LRRTM4: variants seen among roughly 807,000 people sequenced by gnomAD.
The protein encoded by LRRTM4 is leucine rich repeat transmembrane neuronal 4, also known as leucine-rich repeat transmembrane neuronal protein 4.
LRRTM4 carries 25 observed loss-of-function variants against 47.6 expected under a neutral mutation model. The ratio of observed to expected loss-of-function variants is 0.53; its 90% confidence interval spans 0.38 to 0.73. LRRTM4 has a LOEUF of 0.73. Among genes scored for constraint, LRRTM4 ranks in the 30% least tolerant of loss-of-function variants. The pLI, the probability that LRRTM4 is intolerant of heterozygous loss-of-function variation, is 0.00. For missense variants in LRRTM4, 638 were observed against 713.4 expected (o/e 0.89, Z 1.20); for synonymous variants, 311 against 269.5 (o/e 1.15, Z -1.51).
chr2:76,859,942 A>G (rs540610738), intron 3 of LRRTM4, among the ~76,000 whole-genome samples: 6 of 152,152 alleles, frequency 3.9e-5, no homozygotes, highest in Non-Finnish European at 8.8e-5. Flanking sequence ...ACTCTGTAAC[A>G]GAATTATAGC....
chr2:77,379,630 TG>T (rs1178029050), intron 3 of LRRTM4, among the ~76,000 whole-genome samples: 1 of 152,144 alleles, frequency 6.6e-6, no homozygotes, highest in African/African-American at 2.4e-5. Flanking sequence ...TATTCTCTAT[TG>T]GGTTATTTTT....
At chr2:76,989,685 T>C (rs980718512) in intron 3 of LRRTM4, 3 of 87,906 alleles carry the variant, frequency 3.4e-5, no homozygotes, top group Non-Finnish European at 3.9e-5. Context: ...CAGTGTGTTA[T>C]TGTTACATTT....
At chr2:76,915,931 G>A (rs1674227896) in intron 3 of LRRTM4, among the ~76,000 whole-genome samples, 1 of 152,018 alleles carries the variant, frequency 6.6e-6, no homozygotes, top group South Asian at 2.1e-4. Flanking sequence ...GAACAAAAAG[G>A]TAATCTTTGC....
rs569333732 is a variant in LRRTM4, at chr2:77,157,997, G to A, written c.1551+360321C>T. 9.9e-5 allele frequency among the ~76,000 whole-genome samples: 15 copies of A among 152,226 alleles called. No homozygotes were observed. The South Asian group carries it at 2.9e-3, about 29-fold the overall frequency. ...TTAAAAAACATTCAAAAGGCGTCAA[G>A]TTAACAAAAATGGGTCTGACTAAAT... On this transcript the variant is annotated intron_variant, in intron 3 of 3. Coordinates refer to ENST00000409884, the MANE Select transcript of LRRTM4 (RefSeq NM_001134745.3).
chr2:77,137,109 T>C (rs564121249), intron 3 of LRRTM4, among the ~76,000 whole-genome samples: 3 of 151,784 alleles, frequency 2.0e-5, no homozygotes, highest in African/African-American at 4.9e-5. Flanking sequence ...ACATTCAAAT[T>C]CAGGAAATAC....
Position 76,977,216 on chromosome 2 carries a change from C to T in LRRTM4, c.1552-228300G>A, listed in dbSNP as rs13418594. Among the ~76,000 whole-genome samples the T allele has an allele frequency of 9.9e-3, 1,503 of 151,518 alleles. 24 individuals carry two copies. Among genetic ancestry groups the T allele is most frequent in the African/African-American group, 0.035 (1,454 of 41,380 alleles). On this transcript the variant is annotated intron_variant, in intron 3 of 3. Transcript: ENST00000409884. The stretch of plus-strand genomic sequence containing the variant: ...AATCTTAATGACATCAGCAACCATC[C>T]TTTTTTACAAGACACCTGGATATTA...
intron 3 of LRRTM4, among the ~76,000 whole-genome samples, chr2:77,483,623 G>C (rs1324092128): frequency 1.3e-5 from 2 of 152,154 alleles, no homozygotes; most frequent in Non-Finnish European, 2.9e-5. Context: ...TTACAGGCGT[G>C]AGCCACCGCA....
At chr2:77,515,784 G>T (rs796127596) in intron 3 of LRRTM4, among the ~76,000 whole-genome samples, 1 of 151,930 alleles carries the variant, frequency 6.6e-6, no homozygotes, top group African/African-American at 2.4e-5. Context: ...ATTTTGTAGA[G>T]AGATTTTGTC....
At chr2:77,096,354 CAA>C (rs1246090493) in intron 3 of LRRTM4, among the ~76,000 whole-genome samples, 3 of 151,260 alleles carry the variant, frequency 2.0e-5, no homozygotes, top group African/African-American at 7.3e-5. Context: ...TATATTCAAA[CAA>C]AAGGAGCTTA....
At chr2:77,498,104 A>T (rs1678430377) in intron 3 of LRRTM4, among the ~76,000 whole-genome samples, 1 of 152,008 alleles carries the variant, frequency 6.6e-6, no homozygotes, top group East Asian at 1.9e-4. Context: ...GAAGAAAAAA[A>T]TATTATTTTC....
At chr2:77,246,232 C>T (rs1027004678) in intron 3 of LRRTM4, among the ~76,000 whole-genome samples, 3 of 152,072 alleles carry the variant, frequency 2.0e-5, no homozygotes, top group Non-Finnish European at 4.4e-5. Context: ...GGAGATAGCT[C>T]CATCTGAATG....
At chr2:76,791,808 T>C (rs1674988794) in intron 3 of LRRTM4, among the ~76,000 whole-genome samples, 1 of 152,176 alleles carries the variant, frequency 6.6e-6, no homozygotes, top group African/African-American at 2.4e-5. Context: ...TTGCCAACAG[T>C]ATTTGTCACA....
chr2:77,436,302 C>T (rs943856138), intron 3 of LRRTM4, among the ~76,000 whole-genome samples: 2 of 152,022 alleles, frequency 1.3e-5, no homozygotes, highest in Admixed American at 6.6e-5. Context: ...ATACCTTGAA[C>T]GTCTAGCAAT....
At chr2:76,911,331 G>A (rs1674047984) in intron 3 of LRRTM4, among the ~76,000 whole-genome samples, 1 of 152,116 alleles carries the variant, frequency 6.6e-6, no homozygotes, top group African/African-American at 2.4e-5. Context: ...TTTCTTTTAA[G>A]TTCACTAAGG....
rs1218958523 is a variant in LRRTM4, at chr2:77,518,624, T to C, written c.1245A>G (p.Gln415=). Reference sequence around the variant, plus strand: ...TGTGAAATGAAACATGCTCATACTCTTGCTCTGCGCCAGGAATCTGAAACC... The same window carrying C: ...TGTGAAATGAAACATGCTCATACTCCTGCTCTGCGCCAGGAATCTGAAACC... ...SPGFQIPGAE[Q]EYEHVSFHKI... The change falls in exon 3 of 4, where the codon CAA becomes CAG. Residue 415 remains glutamine, a synonymous_variant. Coordinates refer to ENST00000409884, the MANE Select transcript of LRRTM4 (RefSeq NM_001134745.3). The C allele has an allele frequency of 6.2e-7, 1 of 1,613,298 alleles. No individual in the cohort carries two copies.
intron 3 of LRRTM4, among the ~76,000 whole-genome samples, chr2:77,182,924 A>G (rs1673390227): frequency 6.6e-6 from 1 of 152,222 alleles, no homozygotes; most frequent in South Asian, 2.1e-4. Context: ...ACCTTATACA[A>G]AAATTAATTC....
intron 3 of LRRTM4, among the ~76,000 whole-genome samples, chr2:77,477,957 AAG>A (rs1218428087): frequency 2.0e-4 from 27 of 136,780 alleles, no homozygotes; most frequent in African/African-American, 7.3e-4. Flanking sequence ...GAAAGAAAGA[AAG>A]AAAGAAAGAA....
intron 3 of LRRTM4, among the ~76,000 whole-genome samples, chr2:77,125,297 C>G (rs188897585): frequency 1.1e-4 from 17 of 152,244 alleles, no homozygotes; most frequent in African/African-American, 3.6e-4. Context: ...TGTAAACACT[C>G]TTTCTATAAT....
intron 3 of LRRTM4, among the ~76,000 whole-genome samples, chr2:76,908,391 G>T (rs1179640161): frequency 1.3e-5 from 2 of 151,740 alleles, no homozygotes; most frequent in African/African-American, 4.8e-5. Context: ...ATATCATACT[G>T]AATGGGCAAA....
Sources: gnomAD v4.1 joint callset for allele counts (sites outside exome capture counted in the v4.1 genomes callset) on GRCh38, gnomAD v4.1.1 for gene constraint, MANE v1.5 for transcripts, NCBI Gene and HGNC (gene_info 2026-07-23, HGNC 2026-07-21) for gene names.